VWF: variants seen among roughly 807,000 people sequenced by gnomAD.
VWF encodes Factor VIII related antigen.
In VWF, 176 loss-of-function variants were observed where a neutral mutation model predicts 308.6. The observed-to-expected ratio is 0.57, with a 90% confidence interval of 0.50 to 0.65. VWF has a LOEUF of 0.65. VWF is among the 30% of genes least tolerant of loss of function. The pLI, the probability that VWF is intolerant of heterozygous loss-of-function variation, is 0.00. For missense variants in VWF, 3,146 were observed against 3,648.2 expected (o/e 0.86, Z 3.55); for synonymous variants, 1,385 against 1,443.4 (o/e 0.96, Z 0.92).
Position 6,036,326 on chromosome 12 carries a change from C to T in VWF, c.2546+62G>A, listed in dbSNP as rs1183377746. The T allele has an allele frequency of 8.0e-6, 12 of 1,494,974 alleles. No homozygotes were observed. The East Asian group carries it at 1.6e-4, about 20-fold the overall frequency. 92.6% of individuals were successfully genotyped at this position (1,494,974 alleles called of 1,614,324 possible). ...GCAAGTGCGGAAGGTCCTGTGGCCG[C>T]GTGCACCCTCACTCCACCCGCAGGG... On this transcript the variant is annotated intron_variant, in intron 19 of 51. Transcript: ENST00000261405.
chr12:6,057,012 C>T lies in VWF; in HGVS notation c.1790G>A (p.Arg597His). 1.9e-6 allele frequency: 3 copies of T among 1,549,700 alleles called. No individual in the cohort carries two copies. The highest frequency in any genetic ancestry group is 2.4e-5 in the South Asian group (2 of 84,694). The change falls in exon 15 of 52, where the codon CGT becomes CAT. Residue 597 changes from arginine (R) to histidine (H), a missense_variant. Arg to His is a conservative substitution (Grantham distance 29, BLOSUM62 0). Coordinates refer to ENST00000261405, the MANE Select transcript of VWF (RefSeq NM_000552.5). ...LTSPTFEACH[R>H]AVSPLPYLRN... ...CAGGTAGGGCAGCGGGCTGACGGCACGATGGCAGGCCTCGAATGTGGGGGA... is the reference window on the plus strand; with the variant it reads ...CAGGTAGGGCAGCGGGCTGACGGCATGATGGCAGGCCTCGAATGTGGGGGA...
intron 27 of VWF, chr12:6,021,031 TC>T (rs1944123720): frequency 6.6e-6 from 1 of 152,202 alleles, no homozygotes; most frequent in African/African-American, 2.4e-5. Context: ...AATTCCTCCT[TC>T]CCGTGATCCA....
At chr12:5,972,708 C>T (rs1375538698) in intron 43 of VWF, among the ~76,000 whole-genome samples, 1 of 152,210 alleles carries the variant, frequency 6.6e-6, no homozygotes, top group Non-Finnish European at 1.5e-5. Context: ...AGTGAGCTGT[C>T]TCCAGGCTTT....
chr12:6,069,771 T>A (rs1182440303), intron 10 of VWF, among the ~76,000 whole-genome samples: 1 of 152,246 alleles, frequency 6.6e-6, no homozygotes, highest in Non-Finnish European at 1.5e-5. Context: ...CATCAAGACA[T>A]CAAGAGAATG....
intron 5 of VWF, among the ~76,000 whole-genome samples, chr12:6,105,385 C>A (rs1028205435): frequency 9.2e-5 from 14 of 152,012 alleles, no homozygotes; most frequent in Non-Finnish European, 1.8e-4. Flanking sequence ...TGTGCTACCA[C>A]CCCCAGCTAA....
In VWF at chr12:6,016,779, C is replaced by T. The variant is rs1250748317; in HGVS notation, c.5145G>A (p.Lys1715=). Residue 1715 remains lysine, a synonymous_variant, in exon 29 of 52, where the codon AAG becomes AAA. Coordinates refer to ENST00000261405, the MANE Select transcript of VWF (RefSeq NM_000552.5). ...SYFDEMKSFA[K]AFISKANIGP... ...CTATATTGGCTTTTGAAATGAAAGC[C>T]TTGGCGAAACTCTTCATTTCATCAA... 1.2e-6 allele frequency: 2 copies of T among 1,614,148 alleles called. No individual in the cohort carries two copies. Among genetic ancestry groups the T allele is most frequent in the African/African-American group, 1.3e-5 (1 of 75,056 alleles).
intron 15 of VWF, among the ~76,000 whole-genome samples, chr12:6,056,564 G>A (rs1226958276): frequency 1.3e-5 from 2 of 152,104 alleles, no homozygotes; most frequent in African/African-American, 4.8e-5. Flanking sequence ...AGGTGGCAGC[G>A]GCCACGGGAA....
chr12:5,968,081 T>G (rs776515231), intron 46 of VWF, 46 bp downstream of exon 46: 1 of 1,612,784 alleles, frequency 6.2e-7, no homozygotes, highest in Non-Finnish European at 8.5e-7. Flanking sequence ...CAGTACCCCC[T>G]TCCCTGTCCC....
intron 4 of VWF, 97 bp downstream of exon 4, chr12:6,110,769 C>G: frequency 7.1e-7 from 1 of 1,414,036 alleles, no homozygotes; most frequent in Non-Finnish European, 1.0e-6. Flanking sequence ...GGAACATTTG[C>G]TTCCATTCTC....
intron 5 of VWF, among the ~76,000 whole-genome samples, chr12:6,106,950 G>T (rs916487521): frequency 6.6e-6 from 1 of 151,906 alleles, no homozygotes; most frequent in South Asian, 2.1e-4. Flanking sequence ...AAATGCGGCG[G>T]GGTGTAGAAA....
chr12:6,118,750 G>A (rs568817792), intron 3 of VWF, among the ~76,000 whole-genome samples: 5 of 152,054 alleles, frequency 3.3e-5, no homozygotes, highest in Non-Finnish European at 5.9e-5. Flanking sequence ...GCCATCACAG[G>A]TAGTGGTCTG....
intron 6 of VWF, among the ~76,000 whole-genome samples, chr12:6,086,200 C>A (rs1357903493): frequency 6.6e-6 from 1 of 152,202 alleles, no homozygotes; most frequent in Non-Finnish European, 1.5e-5. Context: ...TGGGCCAAAC[C>A]AGGGACTGCC....
chr12:5,952,320 T>G, intron 49 of VWF, 71 bp downstream of exon 49: 1 of 1,601,036 alleles, frequency 6.2e-7, no homozygotes, highest in East Asian at 2.2e-5. Context: ...GGAGCTGGGA[T>G]GCACACTATT....
rs772460346 is a variant in VWF at position 5,994,606 on chromosome 12, A to G, written c.6065T>C (p.Val2022Ala). ...AGAGACCAGTCTCCCATTCACCGTC[A>G]CCTGCACAAAGAAGAAAGAGCTCAT... is the stretch of plus-strand genomic sequence containing the variant. ...LSVELHSDME[V>A]TVNGRLVSVP... The change falls in exon 36 of 52, where the codon GTG (valine) becomes GCG (alanine). Residue 2022 changes from valine to alanine, a missense_variant and splice_region_variant. Physicochemically the swap from Val to Ala is moderately conservative, Grantham distance 64 (BLOSUM62 0). Transcript: ENST00000261405. 6.2e-7 allele frequency: 1 copy of G among 1,613,956 alleles called. No individual in the cohort carries two copies. The highest frequency in any genetic ancestry group is 8.5e-7 in the Non-Finnish European group (1 of 1,179,852).
At chr12:5,964,490 T>C (rs969822127) in intron 47 of VWF, among the ~76,000 whole-genome samples, 2 of 152,206 alleles carry the variant, frequency 1.3e-5, no homozygotes, top group African/African-American at 2.4e-5. Context: ...AAACCAACTC[T>C]GTTGTCATTC....
chr12:5,979,292 T>C (rs935127563), intron 42 of VWF, among the ~76,000 whole-genome samples: 1 of 152,222 alleles, frequency 6.6e-6, no homozygotes, highest in African/African-American at 2.4e-5. Flanking sequence ...GCAATCAGTA[T>C]GATAGAAGTA....
At chr12:5,965,184 T>A (rs1420140690) in intron 47 of VWF, among the ~76,000 whole-genome samples, 2 of 152,228 alleles carry the variant, frequency 1.3e-5, no homozygotes, top group African/African-American at 4.8e-5. Flanking sequence ...CTCTTCCTCC[T>A]CCTGCTGAGC....
intron 47 of VWF, among the ~76,000 whole-genome samples, chr12:5,964,217 A>AAAATAAAT (rs772755141): frequency 1.8e-4 from 21 of 115,238 alleles, no homozygotes; most frequent in African/African-American, 7.2e-4. Flanking sequence ...ACTCTGTCTA[A>AAAATAAAT]AAATACATAC....
At chr12:6,043,174 C>A (rs887323159) in intron 18 of VWF, among the ~76,000 whole-genome samples, 1 of 152,176 alleles carries the variant, frequency 6.6e-6, no homozygotes, top group Non-Finnish European at 1.5e-5. Flanking sequence ...GAGGCTAAGA[C>A]AGAGGAGGAG....
Sources: gnomAD v4.1 joint callset for allele counts (sites outside exome capture counted in the v4.1 genomes callset) on GRCh38, gnomAD v4.1.1 for gene constraint, MANE v1.5 for transcripts, NCBI Gene and HGNC (gene_info 2026-07-23, HGNC 2026-07-21) for gene names.